The following PLA2G2C variants were observed in gnomAD, a reference collection of about 807,000 sequenced individuals.
PLA2G2C encodes phospholipase A2 group IIC, also known as putative inactive group IIC secretory phospholipase A2.
PLA2G2C carries 15 observed loss-of-function variants against 14.3 expected under a neutral mutation model. That is an observed-to-expected ratio of 1.05 (90% CI 0.70 to 1.62). PLA2G2C has a LOEUF of 1.62. Ranked by LOEUF, PLA2G2C falls within the 40% of genes most tolerant of loss-of-function variation. The pLI is 0.00. For synonymous variants in PLA2G2C, 79 were observed against 67.7 expected (o/e 1.17, Z -0.82); for missense variants, 162 against 173.2 (o/e 0.94, Z 0.36).
intron 1 of PLA2G2C, among the ~76,000 whole-genome samples, chr1:20,178,201 A>G (rs1373924287): frequency 6.6e-6 from 1 of 152,246 alleles, no homozygotes; most frequent in African/African-American, 2.4e-5. Context: ...AGAACAGTAG[A>G]GAAGAATGTG....
At chr1:20,186,031 G>GGCCGGTTCCGGTCAC (rs1553184962) in intron 1 of PLA2G2C, 1 of 96,354 alleles carries the variant, frequency 1.0e-5, no homozygotes, top group East Asian at 3.3e-4. Context: ...ACCCGACCCA[G>GGCCGGTTCCGGTCAC]GCCGGTTCCG....
At chr1:20,185,427 C>T (rs1259769454) in intron 1 of PLA2G2C, among the ~76,000 whole-genome samples, 1 of 152,014 alleles carries the variant, frequency 6.6e-6, no homozygotes, top group Non-Finnish European at 1.5e-5. Flanking sequence ...AGGGGGAAAG[C>T]GGAGACAGCA....
intron 4 of PLA2G2C, among the ~76,000 whole-genome samples, chr1:20,171,906 C>T (rs112627012): frequency 0.041 from 6,129 of 151,214 alleles, 169 homozygotes; most frequent in Middle Eastern, 0.079. Context: ...GGACTACAGG[C>T]GCCCACCATC....
chr1:20,168,827 A>G (rs2018022082), intron 4 of PLA2G2C, among the ~76,000 whole-genome samples: 1 of 152,184 alleles, frequency 6.6e-6, no homozygotes, highest in South Asian at 2.1e-4. Flanking sequence ...CCTTGCAAAA[A>G]TGCCAAGTAC....
chr1:20,185,306 G>C (rs1042048834), intron 1 of PLA2G2C, among the ~76,000 whole-genome samples: 8 of 152,154 alleles, frequency 5.3e-5, no homozygotes, highest in Admixed American at 5.2e-4. Context: ...AGGTGGACTG[G>C]TTTGGCTTCA....
intron 1 of PLA2G2C, among the ~76,000 whole-genome samples, chr1:20,179,212 C>CTCTCTG (rs1553184473): frequency 6.0e-5 from 9 of 149,764 alleles, no homozygotes; most frequent in African/African-American, 2.2e-4. Flanking sequence ...GTCAGTTTCT[C>CTCTCTG]TGTGTGTGTG....
Position 20,163,892 on chromosome 1 carries a change from G to A in PLA2G2C, c.*99C>T. ...GGGAGACATTTTGTCCTCCCTCCCA[G>A]TGGAAGAACAGGGGCCTGTTGGGGA... On this transcript the variant is annotated 3_prime_UTR_variant, in exon 5 of 5. Coordinates refer to ENST00000679259, the MANE Select transcript of PLA2G2C (RefSeq NM_001367969.2). 2.2e-5 allele frequency: 29 copies of A among 1,339,906 alleles called. No homozygotes were observed. The highest frequency in any genetic ancestry group is 1.9e-4 in the Middle Eastern group (1 of 5,330). 83.0% of individuals were successfully genotyped at this position (1,339,906 alleles called of 1,614,324 possible).
At chr1:20,169,072 T>C (rs10916716) in intron 4 of PLA2G2C, among the ~76,000 whole-genome samples, 18,743 of 152,286 alleles carry the variant, frequency 0.12, 1,640 homozygotes, top group East Asian at 0.48. Context: ...GGACCAGGCC[T>C]GGGTGCAGGA....
intron 1 of PLA2G2C, among the ~76,000 whole-genome samples, chr1:20,178,315 G>A (rs971487891): frequency 2.0e-5 from 3 of 152,146 alleles, no homozygotes; most frequent in Admixed American, 1.3e-4. Context: ...ATCTGGTAAC[G>A]TCAGGACTTG....
At position 20,177,413 on chromosome 1, in the gene PLA2G2C, T is replaced by C. The variant is rs762027928; in HGVS notation, c.-50A>G. Reference sequence around the variant, plus strand: ...GGTTCTACAGCCACGCCTTCACCTGTGTGTGAGGGGTCTCCCAGCTGAACC... The same window carrying C: ...GGTTCTACAGCCACGCCTTCACCTGCGTGTGAGGGGTCTCCCAGCTGAACC... On this transcript the variant is annotated 5_prime_UTR_variant, in exon 2 of 5. Coordinates refer to ENST00000679259, the MANE Select transcript of PLA2G2C (RefSeq NM_001367969.2). The C allele has an allele frequency of 1.7e-5, 11 of 636,762 alleles. No homozygotes were observed. The highest frequency in any genetic ancestry group is 3.1e-5 in the Non-Finnish European group (11 of 355,672). 39.4% of individuals were successfully genotyped at this position (636,762 alleles called of 1,614,324 possible).
chr1:20,172,926 G>A (rs2018113960), intron 3 of PLA2G2C, 29 bp from the exon 4 acceptor site: 1 of 1,568,080 alleles, frequency 6.4e-7, no homozygotes, highest in Non-Finnish European at 8.8e-7. Context: ...GGAATCTGCT[G>A]GAGGACCTTA....
At chr1:20,180,637 G>A (rs1451013802) in intron 1 of PLA2G2C, among the ~76,000 whole-genome samples, 2 of 152,202 alleles carry the variant, frequency 1.3e-5, no homozygotes, top group Non-Finnish European at 2.9e-5. Context: ...GAAGGTTTGA[G>A]GGCATTTTCA....
intron 4 of PLA2G2C, among the ~76,000 whole-genome samples, chr1:20,166,590 A>G (rs1030244933): frequency 6.6e-6 from 1 of 152,136 alleles, no homozygotes; most frequent in Non-Finnish European, 1.5e-5. Flanking sequence ...CACTTTTCTC[A>G]CCTTCCTCAG....
chr1:20,177,247 C>A, intron 2 of PLA2G2C, 77 bp downstream of exon 2: 1 of 699,924 alleles, frequency 1.4e-6, no homozygotes. Flanking sequence ...CCTGGTGCCA[C>A]CTGGAGAGTC....
intron 3 of PLA2G2C, 46 bp from the exon 4 acceptor site, chr1:20,172,943 G>C (rs1267074270): frequency 1.4e-6 from 2 of 1,457,640 alleles, no homozygotes; most frequent in Non-Finnish European, 1.9e-6. Flanking sequence ...CTTATCTGGG[G>C]ACTAGAAAGG....
intron 2 of PLA2G2C, among the ~76,000 whole-genome samples, 173 bp downstream of exon 2, chr1:20,177,151 T>C (rs1301338379): frequency 6.6e-6 from 1 of 152,072 alleles, no homozygotes; most frequent in Non-Finnish European, 1.5e-5. Flanking sequence ...ATCAGCCCAT[T>C]TTATAGCAGA....
At chr1:20,167,905 G>A (rs1001631442) in intron 4 of PLA2G2C, among the ~76,000 whole-genome samples, 8 of 152,296 alleles carry the variant, frequency 5.3e-5, no homozygotes, top group African/African-American at 2.4e-5. Context: ...GCAGCCTGTC[G>A]CTTTGTCTGA....
Position 20,175,043 on chromosome 1 carries a change from A to G in PLA2G2C, c.143T>C (p.Leu48Pro), listed in dbSNP as rs767670416. The G allele has an allele frequency of 1.9e-6, 3 of 1,613,954 alleles. No individual in the cohort carries two copies. The highest frequency in any genetic ancestry group is 2.2e-5 in the South Asian group (2 of 91,058). ...ATCCACGGGGATCCCTTTATCCCCA[A>G]GCCCACAGTAGCAGCCATATCCGTA... ...SYYGYGCYCG[L>P]GDKGIPVDDT... Residue 48 changes from leucine (L) to proline (P), a missense_variant, in exon 3 of 5, where the codon CTT becomes CCT. By Grantham distance (98) the Leu-to-Pro change is moderately conservative. Coordinates refer to ENST00000679259, the MANE Select transcript of PLA2G2C (RefSeq NM_001367969.2).
intron 1 of PLA2G2C, among the ~76,000 whole-genome samples, chr1:20,182,889 T>C (rs895555544): frequency 2.0e-5 from 3 of 152,284 alleles, no homozygotes; most frequent in African/African-American, 7.2e-5. Flanking sequence ...AGCAAGCCCC[T>C]GGGGAGGTCA....
Sources: gnomAD v4.1 joint callset for allele counts (sites outside exome capture counted in the v4.1 genomes callset) on GRCh38, gnomAD v4.1.1 for gene constraint, MANE v1.5 for transcripts, NCBI Gene and HGNC (gene_info 2026-07-23, HGNC 2026-07-21) for gene names.